The following PREX1 variants were observed in gnomAD, a reference collection of about 807,000 sequenced individuals.
The protein encoded by PREX1 is phosphatidylinositol 3,4,5-trisphosphate-dependent Rac exchanger 1 protein.
In PREX1, 41 loss-of-function variants were observed where a neutral mutation model predicts 198.3. The observed-to-expected ratio is 0.21, with a 90% CI of 0.16 to 0.27. The LOEUF (loss-of-function observed/expected upper bound fraction) is 0.27, where lower values mean the gene tolerates loss of function less well. Among genes scored for constraint, PREX1 ranks in the 10% least tolerant of loss-of-function variants. PREX1 has a pLI of 1.00. For missense variants in PREX1, 1,620 were observed against 2,200.7 expected (o/e 0.74, Z 5.28); for synonymous variants, 843 against 887.2 (o/e 0.95, Z 0.89).
chr20:48,741,529 G>C (rs2090081883), intron 3 of PREX1, among the ~76,000 whole-genome samples: 2 of 152,048 alleles, frequency 1.3e-5, no homozygotes, highest in Admixed American at 1.3e-4. Flanking sequence ...CCGGCTAAGG[G>C]GCTGAACTAT....
intron 25 of PREX1, among the ~76,000 whole-genome samples, chr20:48,646,509 T>C (rs758421595): frequency 2.0e-5 from 3 of 151,986 alleles, no homozygotes; most frequent in African/African-American, 7.3e-5. Context: ...ATGGCCAACA[T>C]GGCGAAACCC....
the PREX1 span, among the ~76,000 whole-genome samples, chr20:48,872,775 C>A: frequency 2.0e-5 from 3 of 151,462 alleles, no homozygotes; most frequent in Admixed American, 6.6e-5. Flanking sequence ...AAATAAATAA[C>A]AAAATAAGCA....
intron 16 of PREX1, 136 bp downstream of exon 16, chr20:48,659,783 C>T: frequency 8.0e-7 from 1 of 1,243,870 alleles, no homozygotes; most frequent in Non-Finnish European, 1.1e-6. Context: ...AGAGTTGCCC[C>T]CTACCACCTA....
intron 38 of PREX1, 25 bp downstream of exon 38, chr20:48,627,836 G>T: frequency 6.2e-7 from 1 of 1,603,128 alleles, no homozygotes; most frequent in East Asian, 2.2e-5. Context: ...GGGTGCTGGA[G>T]GACCCTGTGG....
chr20:48,751,903 C>T (rs1334112306), intron 1 of PREX1, among the ~76,000 whole-genome samples: 1 of 152,154 alleles, frequency 6.6e-6, no homozygotes, highest in Non-Finnish European at 1.5e-5. Flanking sequence ...TCATCACTAC[C>T]CAGCTTTGGC....
At chr20:48,639,727 C>A in intron 30 of PREX1, 39 bp downstream of exon 30, 1 of 1,606,990 alleles carries the variant, frequency 6.2e-7, no homozygotes, top group Non-Finnish European at 8.5e-7. Context: ...AAAGCCATGG[C>A]CCCCTCCCCA....
chr20:48,726,517 T>C, intron 4 of PREX1, 126 bp from the exon 5 acceptor site: 2 of 694,622 alleles, frequency 2.9e-6, no homozygotes, highest in South Asian at 1.7e-5. Context: ...TAGCGACCCG[T>C]AGAAGTGAAA....
At position 48,691,513 on chromosome 20, in the gene PREX1, C is replaced by G. The variant is rs988432309; in HGVS notation, c.1037-417G>C. ...TACCCAGTGCTGGCTGGGATGGGAC[C>G]TGGAAAACCTCTCAAACAGATTGGC... is the stretch of plus-strand genomic sequence containing the variant. On this transcript the variant is annotated intron_variant, in intron 8 of 39. Coordinates refer to ENST00000371941, the MANE Select transcript of PREX1 (RefSeq NM_020820.4). The surrounding 1 kb of genome is among the most constrained non-coding windows in gnomAD (Gnocchi z 5.0). 6.6e-6 allele frequency among the ~76,000 whole-genome samples: 1 copy of G among 152,132 alleles called. No individual in the cohort carries two copies. The highest frequency in any genetic ancestry group is 1.5e-5 in the Non-Finnish European group (1 of 68,036).
At chr20:48,634,065 G>GGGATGGAT (rs1216377272) in intron 33 of PREX1, among the ~76,000 whole-genome samples, 4 of 113,950 alleles carry the variant, frequency 3.5e-5, no homozygotes, top group Non-Finnish European at 3.9e-5. Context: ...ATGGATGAGT[G>GGGATGGAT]GGATGGATGG....
chr20:48,655,151 G>C, intron 19 of PREX1, 139 bp downstream of exon 19: 1 of 907,262 alleles, frequency 1.1e-6, no homozygotes. Flanking sequence ...TGCAAGTCTT[G>C]GCATCAGGCA....
At chr20:48,881,784 C>T in the PREX1 span, among the ~76,000 whole-genome samples, 1 of 152,160 alleles carries the variant, frequency 6.6e-6, no homozygotes, top group Non-Finnish European at 1.5e-5. Context: ...AGCACCTGGC[C>T]TACAATTCAT....
At chr20:48,857,548 C>G in the PREX1 span, among the ~76,000 whole-genome samples, 1 of 151,238 alleles carries the variant, frequency 6.6e-6, no homozygotes, top group South Asian at 2.1e-4. Flanking sequence ...AAAAAACCAG[C>G]CTTGAGCTCA....
chr20:48,771,930 C>G (rs2090237906), intron 1 of PREX1, among the ~76,000 whole-genome samples: 1 of 152,072 alleles, frequency 6.6e-6, no homozygotes, highest in African/African-American at 2.4e-5. Context: ...GCGGTGGCTC[C>G]CATCTATAAT....
chr20:48,634,778 G>A lies in PREX1; in HGVS notation c.4168-3C>T, dbSNP rs781329107. 2 of 1,613,768 alleles carry A rather than the reference G, an allele frequency of 1.2e-6. No homozygotes were observed. The highest frequency in any genetic ancestry group is 2.2e-5 in the East Asian group (1 of 44,880). Reference sequence around the variant, plus strand: ...TCCAGCATGGTCCGTTCCTCCTTCTGCAGGAAGAAGACAGCGCGGAGGAGT... The same window carrying A: ...TCCAGCATGGTCCGTTCCTCCTTCTACAGGAAGAAGACAGCGCGGAGGAGT... On this transcript the variant is annotated splice_region_variant and splice_polypyrimidine_tract_variant and intron_variant, in intron 32 of 39. Transcript: ENST00000371941.
At chr20:48,635,332 A>T (rs181495759) in intron 32 of PREX1, among the ~76,000 whole-genome samples, 26 of 152,290 alleles carry the variant, frequency 1.7e-4, no homozygotes, top group African/African-American at 6.3e-4. Flanking sequence ...TCAAGATGAC[A>T]CCAGGTTTCC....
intron 15 of PREX1, among the ~76,000 whole-genome samples, chr20:48,660,378 G>T (rs1048163077): frequency 1.3e-5 from 2 of 152,226 alleles, no homozygotes; most frequent in African/African-American, 2.4e-5. Context: ...GAAGGGAATA[G>T]AAGTCACATA....
chr20:48,853,854 C>G, the PREX1 span, among the ~76,000 whole-genome samples: 1 of 152,062 alleles, frequency 6.6e-6, no homozygotes, highest in Non-Finnish European at 1.5e-5. Flanking sequence ...CCTGGCTGCC[C>G]TGCAGACCTT....
At chr20:48,768,914 ACTGT>A (rs767938463) in intron 1 of PREX1, among the ~76,000 whole-genome samples, 7 of 151,854 alleles carry the variant, frequency 4.6e-5, no homozygotes, top group Non-Finnish European at 1.0e-4. Context: ...TGTGCACTTC[ACTGT>A]CTGTAATTAT....
At chr20:48,857,910 G>C in the PREX1 span, among the ~76,000 whole-genome samples, 1 of 152,244 alleles carries the variant, frequency 6.6e-6, no homozygotes, top group South Asian at 2.1e-4. Flanking sequence ...TAAAAGGGGG[G>C]TCTGGGCCAA....
Sources: gnomAD v4.1 joint callset for allele counts (sites outside exome capture counted in the v4.1 genomes callset) on GRCh38, gnomAD v4.1.1 for gene constraint, Gnocchi (gnomAD v3.1) non-coding constraint, MANE v1.5 for transcripts, NCBI Gene and HGNC (gene_info 2026-07-23, HGNC 2026-07-21) for gene names.